The following MARCHF4 variants were observed in gnomAD, a reference collection of about 807,000 sequenced individuals.
MARCHF4 encodes the protein E3 ubiquitin-protein ligase MARCHF4.
MARCHF4 carries 14 observed loss-of-function variants against 43.9 expected under a neutral mutation model. That is an observed-to-expected ratio of 0.32 (90% CI 0.21 to 0.50). The LOEUF (loss-of-function observed/expected upper bound fraction) is 0.50, where lower values mean the gene tolerates loss of function less well. Among genes scored for constraint, MARCHF4 ranks in the 20% least tolerant of loss-of-function variants. The pLI, the probability that MARCHF4 is intolerant of heterozygous loss-of-function variation, is 0.98. For missense variants in MARCHF4, 468 were observed against 536.7 expected, an observed-to-expected ratio of 0.87 and a Z score of 1.27; for synonymous variants, 226 against 213.3, an observed-to-expected ratio of 1.06 and a Z score of -0.52.
At chr2:216,336,066 TAAAAAAA>T (rs34216672) in intron 1 of MARCHF4, among the ~76,000 whole-genome samples, 2 of 60,598 alleles carry the variant, frequency 3.3e-5, no homozygotes, top group African/African-American at 1.3e-4. Flanking sequence ...AGACTCTGTC[TAAAAAAA>T]AAAAAAAAAA....
At chr2:216,260,679 G>T (rs1226262722) in intron 3 of MARCHF4, among the ~76,000 whole-genome samples, 1 of 152,204 alleles carries the variant, frequency 6.6e-6, no homozygotes, top group African/African-American at 2.4e-5. Flanking sequence ...CCAATGGATG[G>T]TAGGGTCTTA....
At chr2:216,279,105 G>A (rs1400166330) in intron 2 of MARCHF4, among the ~76,000 whole-genome samples, 2 of 152,198 alleles carry the variant, frequency 1.3e-5, no homozygotes, top group African/African-American at 4.8e-5. Flanking sequence ...GGTAAATCAG[G>A]GAGGAACATG....
Position 216,282,943 on chromosome 2 carries a change from T to G in MARCHF4, c.672+631A>C, listed in dbSNP as rs529698347. ...CCCTTGCCATTGGAAGTGTGGTCTC[T>G]GAACCAGAAGCATCAACAGATGCTC... On this transcript the variant is annotated intron_variant, in intron 2 of 3. Transcript: ENST00000273067. Among the ~76,000 whole-genome samples the G allele has an allele frequency of 8.9e-4, 136 of 152,282 alleles. 1 individual carries two copies. Among genetic ancestry groups the G allele is most frequent in the African/African-American group, 3.2e-3 (131 of 41,510 alleles).
intron 2 of MARCHF4, among the ~76,000 whole-genome samples, chr2:216,282,416 C>T (rs542225144): frequency 6.6e-6 from 1 of 152,052 alleles, no homozygotes; most frequent in Non-Finnish European, 1.5e-5. Context: ...GCAAAGACCC[C>T]ACCGCCACCA....
chr2:216,303,011 C>T (rs1691517587), intron 1 of MARCHF4, among the ~76,000 whole-genome samples: 1 of 151,872 alleles, frequency 6.6e-6, no homozygotes, highest in Non-Finnish European at 1.5e-5. Flanking sequence ...CACCTCAATT[C>T]CATTTCTTCT....
At chr2:216,345,026 C>T (rs1013544211) in intron 1 of MARCHF4, among the ~76,000 whole-genome samples, 7 of 151,936 alleles carry the variant, frequency 4.6e-5, no homozygotes, top group African/African-American at 1.7e-4. Context: ...ACCCAATTTT[C>T]TCAGCAATGT....
At chr2:216,293,894 G>GC (rs1299561786) in intron 1 of MARCHF4, among the ~76,000 whole-genome samples, 2 of 119,542 alleles carry the variant, frequency 1.7e-5, no homozygotes, top group African/African-American at 5.1e-5. Context: ...CGTTTAATGT[G>GC]TACATTTATA....
At chr2:216,276,356 A>G (rs1255251983) in intron 3 of MARCHF4, among the ~76,000 whole-genome samples, 1 of 152,158 alleles carries the variant, frequency 6.6e-6, no homozygotes, top group African/African-American at 2.4e-5. Context: ...GAATGCATCA[A>G]TGTCAAATTG....
At chr2:216,281,193 C>T (rs1166249980) in intron 2 of MARCHF4, among the ~76,000 whole-genome samples, 1 of 151,686 alleles carries the variant, frequency 6.6e-6, no homozygotes, top group Non-Finnish European at 1.5e-5. Context: ...CTCAGCCTCC[C>T]GAGTAGCTGG....
At chr2:216,270,729 A>G (rs371767854) in intron 3 of MARCHF4, among the ~76,000 whole-genome samples, 139 of 151,844 alleles carry the variant, frequency 9.2e-4, no homozygotes, top group African/African-American at 3.3e-3. Context: ...TGTTCTATCC[A>G]TTGCCCATCC....
At chr2:216,316,575 G>A (rs1050686121) in intron 1 of MARCHF4, among the ~76,000 whole-genome samples, 4 of 152,010 alleles carry the variant, frequency 2.6e-5, no homozygotes, top group Non-Finnish European at 4.4e-5. Context: ...AGAGGGGTGC[G>A]GGGACAGGGT....
chr2:216,276,513 TC>T (rs1187026886), intron 3 of MARCHF4, among the ~76,000 whole-genome samples: 1 of 152,186 alleles, frequency 6.6e-6, no homozygotes, highest in Non-Finnish European at 1.5e-5. Context: ...GTTTACAAGT[TC>T]CAGCATCCCT....
chr2:216,294,053 G>C (rs1250672883), intron 1 of MARCHF4, among the ~76,000 whole-genome samples: 1 of 152,166 alleles, frequency 6.6e-6, no homozygotes, highest in Non-Finnish European at 1.5e-5. Flanking sequence ...AAATAGAAAA[G>C]CATAATTTAG....
At chr2:216,347,394 C>T (rs1692337867) in intron 1 of MARCHF4, among the ~76,000 whole-genome samples, 1 of 152,116 alleles carries the variant, frequency 6.6e-6, no homozygotes, top group Non-Finnish European at 1.5e-5. Flanking sequence ...AAAACAAAGG[C>T]TTAGTAATCC....
chr2:216,364,443 G>C (rs769493787), intron 1 of MARCHF4, among the ~76,000 whole-genome samples: 8 of 152,256 alleles, frequency 5.3e-5, no homozygotes, highest in Non-Finnish European at 1.0e-4. Context: ...TAGCTCTAGA[G>C]GACCCCACTC....
chr2:216,321,295 G>T (rs1307423095), intron 1 of MARCHF4, among the ~76,000 whole-genome samples: 2 of 152,042 alleles, frequency 1.3e-5, no homozygotes, highest in Non-Finnish European at 2.9e-5. Flanking sequence ...AAATAGAATG[G>T]CCCCCACTCT....
chr2:216,285,047 G>C (rs533100925), intron 1 of MARCHF4, among the ~76,000 whole-genome samples: 2 of 152,272 alleles, frequency 1.3e-5, no homozygotes, highest in Admixed American at 6.5e-5. Context: ...GTCTACCCAC[G>C]AGAGGAGCCC....
At chr2:216,323,312 T>G (rs1012687324) in intron 1 of MARCHF4, among the ~76,000 whole-genome samples, 34 of 152,202 alleles carry the variant, frequency 2.2e-4, no homozygotes, top group Admixed American at 2.0e-4. Context: ...GAGGTTTGTA[T>G]GTAATTTTAT....
rs1433920962 is a variant in MARCHF4, at chr2:216,372,384, G to C, written c.-2124C>G. Among the ~76,000 whole-genome samples, 4 of 152,294 alleles carry C rather than the reference G, an allele frequency of 2.6e-5. No homozygotes were observed. The East Asian group carries it at 7.8e-4, about 30-fold the overall frequency. On this transcript the variant is annotated 5_prime_UTR_variant, in exon 1 of 4. Coordinates refer to ENST00000273067, the MANE Select transcript of MARCHF4 (RefSeq NM_020814.3). Reference sequence around the variant, plus strand: ...CACCCAGACCCCGCGCGTCACGCTCGTGGGGGCCTGACGCAGACGCCGCGG... The same window carrying C: ...CACCCAGACCCCGCGCGTCACGCTCCTGGGGGCCTGACGCAGACGCCGCGG...
Sources: gnomAD v4.1 joint callset for allele counts (sites outside exome capture counted in the v4.1 genomes callset) on GRCh38, gnomAD v4.1.1 for gene constraint, MANE v1.5 for transcripts, NCBI Gene and HGNC (gene_info 2026-07-23, HGNC 2026-07-21) for gene names.